The following NMT1 variants were observed in gnomAD, a reference collection of about 807,000 sequenced individuals.
NMT1 encodes N-myristoyltransferase 1, also known as glycylpeptide N-tetradecanoyltransferase 1.
Under a neutral mutation model 63.4 loss-of-function variants are expected in NMT1, and 12 were observed. The observed-to-expected ratio is 0.19, with a 90% CI of 0.12 to 0.31. The LOEUF (loss-of-function observed/expected upper bound fraction) is 0.31. Among genes scored for constraint, NMT1 ranks in the 10% least tolerant of loss-of-function variants. The pLI, the probability that NMT1 is intolerant of heterozygous loss-of-function variation, is 1.00. For synonymous variants in NMT1, 228 were observed against 234.3 expected (o/e 0.97, Z 0.25); for missense variants, 432 against 634.6 (o/e 0.68, Z 3.43).
intron 4 of NMT1, among the ~76,000 whole-genome samples, chr17:45,094,200 A>G (rs1176595099): frequency 3.3e-5 from 5 of 152,042 alleles, no homozygotes; most frequent in African/African-American, 9.7e-5. Flanking sequence ...CTTATAAAGA[A>G]TGATGAAAAT....
intron 1 of NMT1, among the ~76,000 whole-genome samples, chr17:45,075,634 A>G (rs1306710396): frequency 6.6e-6 from 1 of 151,454 alleles, no homozygotes; most frequent in Non-Finnish European, 1.5e-5. Context: ...ATGAAAAATT[A>G]GCCAGGCATG....
chr17:45,097,293 T>A (rs1358551108), intron 6 of NMT1, 49 bp downstream of exon 6: 1 of 1,387,670 alleles, frequency 7.2e-7, no homozygotes, highest in East Asian at 2.3e-5. Context: ...CCATCCTGCT[T>A]GGTCTGGGAG....
chr17:45,063,759 G>C lies in NMT1; in HGVS notation c.131+2299G>C, dbSNP rs577602126. ...AAAAATACAAAATTTAGCTGGGCAT[G>C]GTGGCGTACGCCTATAGTCCCAGCT... On this transcript the variant is annotated intron_variant, in intron 1 of 11. Transcript: ENST00000258960. 1.3e-4 allele frequency among the ~76,000 whole-genome samples: 20 copies of C among 152,278 alleles called. No individual in the cohort carries two copies. In the East Asian group the frequency reaches 3.7e-3, roughly 28 times the overall value.
At chr17:45,097,795 CCACCA>C (rs1438278922) in intron 6 of NMT1, among the ~76,000 whole-genome samples, 1 of 152,180 alleles carries the variant, frequency 6.6e-6, no homozygotes, top group Admixed American at 6.5e-5. Flanking sequence ...CAGGCATGCG[CCACCA>C]CACCTGGCTA....
At chr17:45,086,155 G>A (rs1462997178) in intron 2 of NMT1, among the ~76,000 whole-genome samples, 1 of 141,056 alleles carries the variant, frequency 7.1e-6, no homozygotes, top group Non-Finnish European at 1.5e-5. Flanking sequence ...ACGGAGTCTA[G>A]CTTTGTCGCC....
intron 1 of NMT1, among the ~76,000 whole-genome samples, chr17:45,065,900 C>G (rs2053899656): frequency 6.1e-5 from 9 of 148,368 alleles, no homozygotes; most frequent in African/African-American, 2.2e-4. Flanking sequence ...TTTAAAGAGA[C>G]TGTGTCTCGC....
At chr17:45,093,474 A>G (rs2054102468) in intron 3 of NMT1, among the ~76,000 whole-genome samples, 2 of 152,268 alleles carry the variant, frequency 1.3e-5, no homozygotes, top group African/African-American at 4.8e-5. Context: ...CTTGGATCCC[A>G]GTGATTGTCC....
chr17:45,064,465 G>C (rs1162312306), intron 1 of NMT1, among the ~76,000 whole-genome samples: 5 of 152,190 alleles, frequency 3.3e-5, no homozygotes. Flanking sequence ...GTTTTGGGGA[G>C]AAGCAGCAAT....
At chr17:45,093,498 T>C in intron 3 of NMT1, 187 bp from the exon 4 acceptor site, 1 of 561,986 alleles carries the variant, frequency 1.8e-6, no homozygotes, top group Non-Finnish European at 3.2e-6. Flanking sequence ...GGTTTTGCCA[T>C]GAATTGGCCC....
rs2054189871 is a variant in NMT1 at position 45,104,378 on chromosome 17, G to A, written c.1333-481G>A. 8.8e-6 allele frequency: 10 copies of A among 1,133,634 alleles called. No homozygotes were observed. The South Asian group carries it at 1.3e-4, about 14-fold the overall frequency. 70.2% of individuals were successfully genotyped at this position (1,133,634 alleles called of 1,614,324 possible). On this transcript the variant is annotated intron_variant, in intron 10 of 11. Coordinates refer to ENST00000258960, the MANE Select transcript of NMT1 (RefSeq NM_021079.5). The surrounding 1 kb of genome is among the most constrained non-coding windows in gnomAD (Gnocchi z 4.2). ...TGAGAGCTTCTGCTCCAGTTGGTGA[G>A]GTTTAGGAAGCATCTTCACAGTCTC...
In NMT1 at chr17:45,085,971, G is replaced by A. The variant is rs548644380; in HGVS notation, c.241-537G>A. Among the ~76,000 whole-genome samples the A allele has an allele frequency of 2.6e-5, 4 of 151,628 alleles. No individual in the cohort carries two copies. The South Asian group carries it at 6.3e-4, about 24-fold the overall frequency. On this transcript the variant is annotated intron_variant, in intron 2 of 11. Coordinates refer to ENST00000258960, the MANE Select transcript of NMT1 (RefSeq NM_021079.5). The stretch of plus-strand genomic sequence containing the variant: ...TGAGTAGCTGGGATTACAGGGACAC[G>A]CCGCCATGCCTGGCTAATTTTTTGT...
At chr17:45,069,068 C>G (rs1435722158) in intron 1 of NMT1, among the ~76,000 whole-genome samples, 1 of 151,802 alleles carries the variant, frequency 6.6e-6, no homozygotes, top group Non-Finnish European at 1.5e-5. Context: ...TCAAGCGACT[C>G]TCCTGCGTCA....
At chr17:45,075,483 C>CT (rs2053971549) in intron 1 of NMT1, among the ~76,000 whole-genome samples, 1 of 148,080 alleles carries the variant, frequency 6.8e-6, no homozygotes, top group Admixed American at 6.7e-5. Flanking sequence ...AGACTCTTGT[C>CT]TTAAAAAAAA....
chr17:45,084,977 G>T (rs2054042918), intron 2 of NMT1, among the ~76,000 whole-genome samples: 1 of 151,972 alleles, frequency 6.6e-6, no homozygotes, highest in Admixed American at 6.6e-5. Context: ...ATTTATGCTG[G>T]GTGTGGTGGC....
rs1358012081 is a variant in NMT1 at position 45,102,996 on chromosome 17, C to G, written c.1039C>G (p.Pro347Ala). 2 of 1,613,922 alleles carry G rather than the reference C, an allele frequency of 1.2e-6. No individual in the cohort carries two copies. The highest frequency in any genetic ancestry group is 3.3e-5 in the Admixed American group (2 of 59,986). ...GLRPMETKDI[P>A]VVHQLLTRYL... The stretch of plus-strand genomic sequence containing the variant: ...GCGACCAATGGAAACAAAGGACATT[C>G]CAGTAGTGCACCAGCTCCTCACCAG... The change falls in exon 9 of 12, where the codon CCA becomes GCA. Residue 347 changes from proline (P) to alanine (A), a missense_variant. Around this residue, in one of 4 missense-constraint regions of NMT1, gnomAD observed 295 missense variants for 489.7 expected, o/e 0.60. Transcript: ENST00000258960.
In NMT1 at chr17:45,104,794, G is replaced by A; in HGVS notation, c.1333-65G>A. 1 of 1,596,712 alleles carries A rather than the reference G, an allele frequency of 6.3e-7. No individual in the cohort carries two copies. The highest frequency in any genetic ancestry group is 8.6e-7 in the Non-Finnish European group (1 of 1,167,806). On this transcript the variant is annotated intron_variant, in intron 10 of 11. Coordinates refer to ENST00000258960, the MANE Select transcript of NMT1 (RefSeq NM_021079.5). The surrounding 1 kb of genome is among the most constrained non-coding windows in gnomAD (Gnocchi z 4.2). The stretch of plus-strand genomic sequence containing the variant: ...AGGACAGCTTTGAAATGGCAGCAAA[G>A]GGGTAGGAAGGAGGCTGTCCCCACC...
At chr17:45,092,152 C>G (rs2054092707) in intron 3 of NMT1, among the ~76,000 whole-genome samples, 1 of 152,198 alleles carries the variant, frequency 6.6e-6, no homozygotes, top group African/African-American at 2.4e-5. Flanking sequence ...AGATCCTGAC[C>G]TGCAGCACGT....
intron 8 of NMT1, among the ~76,000 whole-genome samples, chr17:45,101,617 CA>C (rs748973404): frequency 0.28 from 14,667 of 53,316 alleles, 421 homozygotes; most frequent in South Asian, 0.36. Flanking sequence ...GACTCCGTCG[CA>C]AAAAAAAAAA....
rs1007690802 is a variant in NMT1 at position 45,073,417 on chromosome 17, C to CA, written c.132-8215dup. Among the ~76,000 whole-genome samples the CA allele has an allele frequency of 4.4e-3, 601 of 136,190 alleles. 6 individuals are homozygous for CA. Among genetic ancestry groups the CA allele is most frequent in the Admixed American group, 0.02 (275 of 13,558 alleles). The allele number at this position is 136,190 out of a possible 152,430, so 89.3% of individuals were successfully genotyped here. ...TGGGCAACAGAGCAAGACTCTGTCT[C>CA]AAAAAAAAAAAAGATGTAGTCCCTA... On this transcript the variant is annotated intron_variant, in intron 1 of 11. Transcript: ENST00000258960.
Sources: allele counts gnomAD v4.1 joint callset (sites outside exome capture counted in the v4.1 genomes callset), GRCh38; gene constraint gnomAD v4.1.1; regional missense constraint gnomAD v4.1.1; non-coding constraint Gnocchi (gnomAD v3.1); transcripts MANE v1.5; gene names NCBI Gene and HGNC (gene_info 2026-07-23, HGNC 2026-07-21).